The following KIDINS220 variants were observed in gnomAD, a reference collection of about 807,000 sequenced individuals.
KIDINS220 encodes the protein kinase D interacting substrate 220.
In KIDINS220, 63 loss-of-function variants were observed where a neutral mutation model predicts 157.6. That is an observed-to-expected ratio of 0.40 (90% CI 0.33 to 0.49). The LOEUF (loss-of-function observed/expected upper bound fraction) is 0.49, where lower values mean the gene tolerates loss of function less well. Among genes scored for constraint, KIDINS220 ranks in the 20% least tolerant of loss-of-function variants. The pLI is 0.66. For synonymous variants in KIDINS220, 732 were observed against 783.6 expected (o/e 0.93, Z 1.10); for missense variants, 1,772 against 2,171.2 (o/e 0.82, Z 3.65).
intron 22 of KIDINS220, among the ~76,000 whole-genome samples, chr2:8,755,610 T>C (rs1667911436): frequency 6.6e-6 from 1 of 152,254 alleles, no homozygotes; most frequent in Non-Finnish European, 1.5e-5. Context: ...TGACAAAACC[T>C]TGTGCTTGGG....
chr2:8,742,392 T>C (rs929797629), intron 26 of KIDINS220, among the ~76,000 whole-genome samples: 3 of 152,060 alleles, frequency 2.0e-5, no homozygotes, highest in Non-Finnish European at 4.4e-5. Context: ...GGCCATCCCA[T>C]GGGGACTTGT....
At chr2:8,836,078 T>C (rs1427491565) in intron 1 of KIDINS220, among the ~76,000 whole-genome samples, 2 of 152,030 alleles carry the variant, frequency 1.3e-5, no homozygotes, top group Non-Finnish European at 2.9e-5. Context: ...CTTTCTGAAC[T>C]ACCAAAATAT....
At chr2:8,781,464 T>C (rs1200876422) in intron 17 of KIDINS220, among the ~76,000 whole-genome samples, 1 of 151,348 alleles carries the variant, frequency 6.6e-6, no homozygotes, top group Non-Finnish European at 1.5e-5. Flanking sequence ...AAAAACAGAA[T>C]ACACATTCTT....
At chr2:8,786,708 T>C (rs1276704264) in intron 15 of KIDINS220, among the ~76,000 whole-genome samples, 2 of 152,192 alleles carry the variant, frequency 1.3e-5, no homozygotes, top group African/African-American at 4.8e-5. Context: ...ACACGTGTCA[T>C]GATGTGGCCA....
downstream of KIDINS220, chr2:8,726,849 T>A (rs1480680860): frequency 2.7e-6 from 3 of 1,122,856 alleles, no homozygotes; most frequent in South Asian, 3.9e-5. Flanking sequence ...ACGTGGCATA[T>A]GACTGCAGCT....
rs775779676 is a variant in KIDINS220, at chr2:8,791,032, ACAGACTTTGTACAAG to A, written c.1441+13_1441+27del. 1.3e-6 allele frequency: 2 copies of A among 1,595,882 alleles called. No homozygotes were observed. The highest frequency in any genetic ancestry group is 2.7e-5 in the African/African-American group (2 of 73,860). ...CCAGAGAAAACCTTGCTTTATATAT[ACAGACTTTGTACAAG>A]CAAGCCCTTTACCTTCTAGTTTCTT... is the stretch of plus-strand genomic sequence containing the variant. On this transcript the variant is annotated intron_variant, in intron 13 of 29. Coordinates refer to ENST00000256707, the MANE Select transcript of KIDINS220 (RefSeq NM_020738.4).
chr2:8,767,494 A>G (rs1000193818), intron 22 of KIDINS220, among the ~76,000 whole-genome samples: 13 of 152,208 alleles, frequency 8.5e-5, no homozygotes, highest in African/African-American at 3.1e-4. Flanking sequence ...TGAAGCAACA[A>G]CTTCCTCTAA....
chr2:8,796,989 CAAGA>C (rs1035191566), intron 10 of KIDINS220, 120 bp from the exon 11 acceptor site: 2 of 753,612 alleles, frequency 2.7e-6, no homozygotes, highest in Non-Finnish European at 4.6e-6. Flanking sequence ...AAAACCCTCT[CAAGA>C]AAACATAAAA....
chr2:8,747,643 A>G (rs1666769279), intron 25 of KIDINS220: 1 of 363,838 alleles, frequency 2.7e-6, no homozygotes, highest in Non-Finnish European at 4.9e-6. Context: ...ACTATATTAC[A>G]AGCCAGAAAT....
At position 8,730,830 on chromosome 2, in the gene KIDINS220, G is replaced by A. The variant is rs755413482; in HGVS notation, c.5206C>T (p.Arg1736Ter). 1.1e-5 allele frequency: 18 copies of A among 1,614,098 alleles called. No individual in the cohort carries two copies. The highest frequency in any genetic ancestry group is 1.7e-5 in the Admixed American group (1 of 60,008). ...CTTGTGTAACTTGAACGTTGGCTTC[G>A]CTTATGTGTCATGCTTTTTAGATTC... ...NENLKSMTHK[R>*]SQRSSYTRLS... The change falls in exon 30 of 30, where the codon CGA becomes TGA. Residue 1736 changes from arginine to a stop codon, truncating the protein, a stop_gained. Coordinates refer to ENST00000256707, the MANE Select transcript of KIDINS220 (RefSeq NM_020738.4). LOFTEE classifies it high-confidence loss of function.
At chr2:8,826,962 G>C in intron 2 of KIDINS220, 24 bp downstream of exon 2, 1 of 1,336,774 alleles carries the variant, frequency 7.5e-7, no homozygotes, top group Non-Finnish European at 1.1e-6. Flanking sequence ...GTGAAAGAAT[G>C]TAATTTTGCA....
At chr2:8,747,248 A>C (rs751732454) in intron 25 of KIDINS220, 47 bp from the exon 26 acceptor site, 2 of 1,521,510 alleles carry the variant, frequency 1.3e-6, no homozygotes, top group Non-Finnish European at 1.8e-6. Flanking sequence ...GGAAGGGGGG[A>C]GCCAAACTGT....
intron 22 of KIDINS220, chr2:8,757,668 G>C: frequency 6.2e-7 from 1 of 1,612,166 alleles, no homozygotes; most frequent in African/African-American, 1.3e-5. Context: ...CCTGTTCCAT[G>C]TCCTGCTTAT....
intron 15 of KIDINS220, among the ~76,000 whole-genome samples, chr2:8,787,932 G>A (rs986297282): frequency 6.6e-5 from 10 of 152,036 alleles, no homozygotes; most frequent in South Asian, 2.1e-4. Flanking sequence ...CAGGTTAACC[G>A]CTCACATAAG....
In KIDINS220 at chr2:8,730,992, T is replaced by C; in HGVS notation, c.5044A>G (p.Thr1682Ala). 1.2e-6 allele frequency: 2 copies of C among 1,614,240 alleles called. No homozygotes were observed. Among genetic ancestry groups the C allele is most frequent in the Middle Eastern group, 1.6e-4 (1 of 6,062 alleles). ...KAYNLNRTPSTVTLNNNSAPA... is the reference protein window; with the variant it reads ...KAYNLNRTPSAVTLNNNSAPA... Reference sequence around the variant, plus strand: ...GCACTATTGTTGTTCAGAGTCACGGTGCTGGGAGTTCGGTTCAGGTTGTAG... The same window carrying C: ...GCACTATTGTTGTTCAGAGTCACGGCGCTGGGAGTTCGGTTCAGGTTGTAG... Residue 1682 changes from threonine (T) to alanine (A), a missense_variant, in exon 30 of 30, where the codon ACC becomes GCC. Transcript: ENST00000256707.
At chr2:8,782,567 G>T (rs6431963) in intron 17 of KIDINS220, among the ~76,000 whole-genome samples, 2 of 151,884 alleles carry the variant, frequency 1.3e-5, no homozygotes, top group African/African-American at 4.8e-5. Flanking sequence ...AGGCCCAGAG[G>T]GTTCACTAAT....
intron 21 of KIDINS220, among the ~76,000 whole-genome samples, chr2:8,774,295 CAAAAAAAAAAA>C (rs547340055): frequency 1.8e-5 from 1 of 56,760 alleles, no homozygotes; most frequent in Non-Finnish European, 3.6e-5. Flanking sequence ...GACTCTGTCT[CAAAAAAAAAAA>C]AAAAAAGAAG....
Position 8,785,980 on chromosome 2 carries a change from G to T in KIDINS220, c.1990C>A (p.Leu664Ile). 1 of 1,612,156 alleles carries T rather than the reference G, an allele frequency of 6.2e-7. No individual in the cohort carries two copies. Among genetic ancestry groups the T allele is most frequent in the Non-Finnish European group, 8.5e-7 (1 of 1,179,482 alleles). ...TCCLPSFVIF[L>I]FIIGCIISGI... ...GATATAATGCAGCCAATGATAAAAA[G>T]GAAGATGACAAAAGATGGGAGACAA... is the stretch of plus-strand genomic sequence containing the variant. Residue 664 changes from leucine (L) to isoleucine (I), a missense_variant, in exon 17 of 30, where the codon CTT (leucine) becomes ATT (isoleucine). Leu to Ile is a conservative substitution (Grantham distance 5, BLOSUM62 2). Around this residue, in one of 3 missense-constraint regions of KIDINS220, gnomAD observed 725 missense variants for 1,017.1 expected, o/e 0.71. Coordinates refer to ENST00000256707, the MANE Select transcript of KIDINS220 (RefSeq NM_020738.4).
intron 26 of KIDINS220, among the ~76,000 whole-genome samples, chr2:8,743,484 C>A (rs1387997145): frequency 6.6e-6 from 1 of 152,182 alleles, no homozygotes; most frequent in Admixed American, 6.5e-5. Context: ...TGAGGCAGGT[C>A]TGCTTTTCCC....
Sources: allele counts gnomAD v4.1 joint callset (sites outside exome capture counted in the v4.1 genomes callset), GRCh38; gene constraint gnomAD v4.1.1; regional missense constraint gnomAD v4.1.1; transcripts MANE v1.5; gene names NCBI Gene and HGNC (gene_info 2026-07-23, HGNC 2026-07-21).